The following MYO16 variants were observed in gnomAD, a reference collection of about 807,000 sequenced individuals.
MYO16 encodes the protein unconventional myosin-XVI.
Under a neutral mutation model 205.3 loss-of-function variants are expected in MYO16, and 94 were observed. The ratio of observed to expected loss-of-function variants is 0.46; its 90% CI spans 0.39 to 0.54. The LOEUF (loss-of-function observed/expected upper bound fraction) is 0.54, where lower values mean the gene tolerates loss of function less well. MYO16 is among the 20% of genes least tolerant of loss of function. The probability of loss-of-function intolerance (pLI) is 0.00; values close to 1 mark genes in which losing one functional copy is unlikely to be tolerated. For missense variants in MYO16, 2,315 were observed against 2,387.5 expected, an observed-to-expected ratio of 0.97 and a Z score of 0.63; for synonymous variants, 988 against 954.0, an observed-to-expected ratio of 1.04 and a Z score of -0.66.
upstream of MYO16, among the ~76,000 whole-genome samples, chr13:108,594,776 G>C (rs779506432): frequency 2.8e-4 from 43 of 152,160 alleles, no homozygotes; most frequent in Non-Finnish European, 5.9e-4. Flanking sequence ...GACAGGTCTT[G>C]TACCATTGCC....
the MYO16 span, among the ~76,000 whole-genome samples, chr13:108,579,647 G>A: frequency 1.3e-5 from 2 of 151,986 alleles, no homozygotes; most frequent in African/African-American, 4.8e-5. Flanking sequence ...CACCATGTTG[G>A]CCAGGCTGGT....
At chr13:109,164,058 T>C (rs1878523209) in intron 32 of MYO16, 1 of 152,144 alleles carries the variant, frequency 6.6e-6, no homozygotes, top group Non-Finnish European at 1.5e-5. Context: ...TTTTTTGAGG[T>C]TCCTTAGGAA....
At chr13:108,584,704 T>C in the MYO16 span, among the ~76,000 whole-genome samples, 2 of 152,154 alleles carry the variant, frequency 1.3e-5, no homozygotes, top group African/African-American at 4.8e-5. Flanking sequence ...CTCCCACATA[T>C]GAGTGAGAAC....
intron 27 of MYO16, among the ~76,000 whole-genome samples, chr13:109,091,334 A>G (rs1888616012): frequency 6.6e-6 from 1 of 152,228 alleles, no homozygotes; most frequent in Admixed American, 6.5e-5. Context: ...TAGAATGTAG[A>G]CATTGTGTGT....
At chr13:108,747,768 C>T (rs7988732) in intron 4 of MYO16, among the ~76,000 whole-genome samples, 68,211 of 151,816 alleles carry the variant, frequency 0.45, 15,453 homozygotes, top group East Asian at 0.55. Context: ...TGATCCAACT[C>T]TAGGTCGTCT....
intron 16 of MYO16, among the ~76,000 whole-genome samples, chr13:108,916,259 A>G (rs1450927233): frequency 6.6e-6 from 1 of 152,134 alleles, no homozygotes; most frequent in Non-Finnish European, 1.5e-5. Flanking sequence ...GCACTCTCTG[A>G]AGTGTTTGTT....
chr13:108,954,725 C>A (rs1883282364), intron 16 of MYO16, among the ~76,000 whole-genome samples: 1 of 152,078 alleles, frequency 6.6e-6, no homozygotes, highest in Non-Finnish European at 1.5e-5. Flanking sequence ...GGAGACAGAG[C>A]AAGACCCTGT....
At chr13:109,156,531 C>T (rs1878045455) in intron 32 of MYO16, among the ~76,000 whole-genome samples, 1 of 152,190 alleles carries the variant, frequency 6.6e-6, no homozygotes, top group Admixed American at 6.5e-5. Context: ...TGTTTTTCTC[C>T]TGCGTTACTG....
intron 1 of MYO16, among the ~76,000 whole-genome samples, chr13:108,616,029 C>A (rs945251792): frequency 1.3e-5 from 2 of 152,182 alleles, no homozygotes; most frequent in African/African-American, 4.8e-5. Context: ...TGCATAAACA[C>A]TTTGATTTGG....
chr13:108,677,694 G>C (rs1026177427), intron 2 of MYO16, among the ~76,000 whole-genome samples: 1 of 151,974 alleles, frequency 6.6e-6, no homozygotes, highest in African/African-American at 2.4e-5. Flanking sequence ...ATTTCTTAGA[G>C]CTGCTCCCTT....
the MYO16 span, among the ~76,000 whole-genome samples, chr13:108,582,579 G>T: frequency 5.3e-5 from 8 of 152,204 alleles, no homozygotes; most frequent in African/African-American, 2.4e-5. Context: ...GCTGCAGGAA[G>T]AGAAAACAGG....
chr13:109,186,740 A>G (rs1373793673), intron 34 of MYO16, among the ~76,000 whole-genome samples: 2 of 152,156 alleles, frequency 1.3e-5, no homozygotes, highest in Non-Finnish European at 2.9e-5. Flanking sequence ...TCTTAAGAAC[A>G]TGTTTACAGT....
upstream of MYO16, among the ~76,000 whole-genome samples, chr13:108,592,394 GGGGTTA>G (rs1878425274): frequency 7.5e-6 from 1 of 133,152 alleles, no homozygotes; most frequent in African/African-American, 2.9e-5. Flanking sequence ...TGTGGTGTGT[GGGGTTA>G]TGAGGATGTG....
At chr13:108,520,045 C>T in the MYO16 span, among the ~76,000 whole-genome samples, 13 of 152,082 alleles carry the variant, frequency 8.5e-5, no homozygotes, top group African/African-American at 1.2e-4. Flanking sequence ...AGTGCATTTT[C>T]GCTGAGAAAA....
chr13:109,198,029 G>T lies in MYO16; in HGVS notation c.5416-8580G>T, dbSNP rs1239599174. The stretch of plus-strand genomic sequence containing the variant: ...CTATTTGAAATGACAGCCAGCTTTT[G>T]AACTTACCCTGCTTTGCAATATCAC... On this transcript the variant is annotated intron_variant, in intron 34 of 34. Coordinates refer to ENST00000457511, the MANE Select transcript of MYO16 (RefSeq NM_001198950.3). Among the ~76,000 whole-genome samples the T allele has an allele frequency of 3.9e-5, 6 of 152,182 alleles. No homozygotes were observed. The East Asian group carries it at 1.2e-3, about 29-fold the overall frequency.
At chr13:109,038,158 A>C (rs1409077749) in intron 23 of MYO16, among the ~76,000 whole-genome samples, 1 of 152,218 alleles carries the variant, frequency 6.6e-6, no homozygotes, top group African/African-American at 2.4e-5. Flanking sequence ...TCTTTTCTTC[A>C]GAATTAACTC....
intron 4 of MYO16, among the ~76,000 whole-genome samples, chr13:108,764,073 G>C (rs1885701888): frequency 6.6e-6 from 1 of 152,062 alleles, no homozygotes; most frequent in Non-Finnish European, 1.5e-5. Flanking sequence ...ATCATTCCAG[G>C]AGAAGCTAGC....
chr13:108,520,207 A>T, the MYO16 span, among the ~76,000 whole-genome samples: 2 of 152,094 alleles, frequency 1.3e-5, no homozygotes, highest in African/African-American at 4.8e-5. Context: ...TTTATAAATT[A>T]TATGTCGTAA....
chr13:108,859,107 T>C (rs182064212), intron 11 of MYO16, among the ~76,000 whole-genome samples: 99 of 152,278 alleles, frequency 6.5e-4, no homozygotes, highest in South Asian at 1.9e-3. Flanking sequence ...AACTTACCAC[T>C]CTCTAACATA....
Sources: gnomAD v4.1 joint callset for allele counts (sites outside exome capture counted in the v4.1 genomes callset) on GRCh38, gnomAD v4.1.1 for gene constraint, MANE v1.5 for transcripts, NCBI Gene and HGNC (gene_info 2026-07-23, HGNC 2026-07-21) for gene names.